Variants in NOS1 observed in about 807,000 individuals in gnomAD.
NOS1 encodes the protein NOS type I.
Under a neutral mutation model 164.5 loss-of-function variants are expected in NOS1, and 51 were observed. The observed-to-expected ratio is 0.31, with a 90% CI of 0.25 to 0.39. The LOEUF (loss-of-function observed/expected upper bound fraction) is 0.39, where lower values mean the gene tolerates loss of function less well. NOS1 is among the 10% of genes least tolerant of loss of function. NOS1 has a pLI of 1.00. For synonymous variants in NOS1, 719 were observed against 745.8 expected, an observed-to-expected ratio of 0.96 and a Z score of 0.59; for missense variants, 1,362 against 1,885.6, an observed-to-expected ratio of 0.72 and a Z score of 5.14.
At chr12:117,306,654 C>G (rs1401047325) in intron 3 of NOS1, among the ~76,000 whole-genome samples, 2 of 150,916 alleles carry the variant, frequency 1.3e-5, no homozygotes, top group Non-Finnish European at 2.9e-5. Context: ...GAGTCTCGCT[C>G]TGTCGCCCAG....
chr12:117,332,829 C>T (rs903456441), intron 1 of NOS1, among the ~76,000 whole-genome samples: 27 of 152,150 alleles, frequency 1.8e-4, no homozygotes, highest in African/African-American at 4.8e-4. Flanking sequence ...TACGCCATTG[C>T]GCTCCAGCCT....
Position 117,234,395 on chromosome 12 carries a change from A to C in NOS1, c.3235+170T>G, listed in dbSNP as rs56208503. On this transcript the variant is annotated intron_variant, in intron 21 of 28. Transcript: ENST00000317775. This position sits in a 1 kb window ranked among gnomAD's most constrained non-coding sequence, Gnocchi z 4.3. ...TTTATTTGCTCAGCTGGTTGGGCCAAGGTTGATCAGTCATGAGAAAGGGGG... is the reference window on the plus strand; with the variant it reads ...TTTATTTGCTCAGCTGGTTGGGCCACGGTTGATCAGTCATGAGAAAGGGGG... 3.6e-3 allele frequency among the ~76,000 whole-genome samples: 552 copies of C among 152,302 alleles called. 2 individuals are homozygous for C. Among genetic ancestry groups the C allele is most frequent in the African/African-American group, 0.011 (445 of 41,562 alleles).
chr12:117,353,307 C>T (rs980818986), intron 1 of NOS1, among the ~76,000 whole-genome samples: 3 of 152,004 alleles, frequency 2.0e-5, no homozygotes, highest in African/African-American at 7.3e-5. Flanking sequence ...GTCTATCTAT[C>T]ATCTATCTAC....
At chr12:117,273,965 C>G (rs1872977341) in intron 9 of NOS1, among the ~76,000 whole-genome samples, 1 of 152,030 alleles carries the variant, frequency 6.6e-6, no homozygotes, top group South Asian at 2.1e-4. Flanking sequence ...AATAAACACA[C>G]AGGATTATAT....
intron 3 of NOS1, chr12:117,305,026 C>G (rs1432484519): frequency 2.0e-6 from 2 of 985,260 alleles, no homozygotes; most frequent in Admixed American, 6.1e-5. Flanking sequence ...GCTGCCCTGC[C>G]CAGCCATTTC....
At chr12:117,222,137 C>T (rs1956716993) in intron 26 of NOS1, among the ~76,000 whole-genome samples, 1 of 152,110 alleles carries the variant, frequency 6.6e-6, no homozygotes, top group South Asian at 2.1e-4. Context: ...AGTTACTCCC[C>T]ATTCTCCCCT....
Position 117,211,602 on chromosome 12 carries a change from T to C in NOS1, c.*3707A>G. On this transcript the variant is annotated 3_prime_UTR_variant, in exon 29 of 29. Transcript: ENST00000317775. ...CACCTTTTCTCACCCTCCTCAGCCTTCCAAAGCCAGCCTCAATTTATCTTA... is the reference window on the plus strand; with the variant it reads ...CACCTTTTCTCACCCTCCTCAGCCTCCCAAAGCCAGCCTCAATTTATCTTA... 1.0e-6 allele frequency: 1 copy of C among 985,578 alleles called. No homozygotes were observed. The highest frequency in any genetic ancestry group is 1.2e-6 in the Non-Finnish European group (1 of 830,056). 61.1% of individuals were successfully genotyped at this position (985,578 alleles called of 1,614,324 possible).
intron 22 of NOS1, among the ~76,000 whole-genome samples, chr12:117,228,359 A>C (rs570427899): frequency 4.6e-5 from 7 of 152,022 alleles, no homozygotes; most frequent in Non-Finnish European, 8.8e-5. Context: ...GTCACTACAC[A>C]CTCCTGAAGT....
chr12:117,335,293 C>T (rs758536320), intron 1 of NOS1, among the ~76,000 whole-genome samples: 4 of 152,242 alleles, frequency 2.6e-5, no homozygotes, highest in South Asian at 2.1e-4. Context: ...TGGGGGGCAC[C>T]GTCTAGGGAG....
Position 117,280,709 on chromosome 12 carries a change from G to T in NOS1, c.1524+16C>A. On this transcript the variant is annotated intron_variant, in intron 8 of 28. Coordinates refer to ENST00000317775, the MANE Select transcript of NOS1 (RefSeq NM_000620.5). ...AGCCCATGTTGGGGCAGGGTAGGGG[G>T]CGGAAACGCTCGCACCTCTGTGAAC... 1 of 1,610,404 alleles carries T rather than the reference G, an allele frequency of 6.2e-7. No individual in the cohort carries two copies. The highest frequency in any genetic ancestry group is 8.5e-7 in the Non-Finnish European group (1 of 1,177,452).
intron 2 of NOS1, among the ~76,000 whole-genome samples, chr12:117,325,067 C>A (rs1875176987): frequency 6.6e-6 from 1 of 152,194 alleles, no homozygotes; most frequent in Admixed American, 6.5e-5. Flanking sequence ...CTCAGCTTGG[C>A]TCCCCGACTG....
intron 1 of NOS1, among the ~76,000 whole-genome samples, chr12:117,347,743 C>A (rs907029755): frequency 5.3e-5 from 8 of 152,178 alleles, no homozygotes; most frequent in African/African-American, 1.9e-4. Context: ...AGCTTGTGCC[C>A]TGGGGCTGAT....
At chr12:117,273,004 T>C (rs2135999011) in intron 9 of NOS1, among the ~76,000 whole-genome samples, 1 of 152,254 alleles carries the variant, frequency 6.6e-6, no homozygotes, top group Non-Finnish European at 1.5e-5. Context: ...TCTCGCTCTG[T>C]CATGCAGGCT....
chr12:117,280,133 A>C (rs2136009435), intron 8 of NOS1, among the ~76,000 whole-genome samples: 1 of 152,254 alleles, frequency 6.6e-6, no homozygotes, highest in South Asian at 2.1e-4. Flanking sequence ...CCGCACTACC[A>C]CCTGGAAGGA....
chr12:117,222,939 G>A, intron 25 of NOS1, 76 bp from the exon 26 acceptor site: 1 of 1,534,962 alleles, frequency 6.5e-7, no homozygotes, highest in Non-Finnish European at 8.9e-7. Context: ...CCAGGGATGG[G>A]GTACTGAGAC....
chr12:117,332,165 T>A (rs894958281), intron 1 of NOS1, among the ~76,000 whole-genome samples: 1 of 152,156 alleles, frequency 6.6e-6, no homozygotes, highest in Non-Finnish European at 1.5e-5. Flanking sequence ...AGGGGAAACA[T>A]AGGAACATTG....
intron 20 of NOS1, among the ~76,000 whole-genome samples, chr12:117,236,034 C>T (rs920074186): frequency 2.0e-5 from 3 of 152,146 alleles, no homozygotes; most frequent in African/African-American, 7.2e-5. Context: ...CAGAGCGAAA[C>T]TACATCCTCC....
chr12:117,352,440 T>C (rs1183086910), intron 1 of NOS1, among the ~76,000 whole-genome samples: 1 of 152,134 alleles, frequency 6.6e-6, no homozygotes, highest in Non-Finnish European at 1.5e-5. Flanking sequence ...CAAGCTCATT[T>C]CTCAGTCCCT....
At chr12:117,218,972 G>T (rs1362235211) in intron 27 of NOS1, among the ~76,000 whole-genome samples, 1 of 151,500 alleles carries the variant, frequency 6.6e-6, no homozygotes, top group African/African-American at 2.4e-5. Context: ...TTTCAGTTGG[G>T]GTTAGTTGTT....
Sources: allele counts gnomAD v4.1 joint callset (sites outside exome capture counted in the v4.1 genomes callset), GRCh38; gene constraint gnomAD v4.1.1; non-coding constraint Gnocchi (gnomAD v3.1); transcripts MANE v1.5; gene names NCBI Gene and HGNC (gene_info 2026-07-23, HGNC 2026-07-21).